FRMPD2: variants seen among roughly 807,000 people sequenced by gnomAD.
FRMPD2 encodes FERM and PDZ domain containing 2.
A neutral mutation model predicts 140.1 loss-of-function variants in FRMPD2; 96 were observed. The observed-to-expected ratio is 0.69, with a 90% CI of 0.58 to 0.81. FRMPD2 has a LOEUF of 0.81. FRMPD2 is among the 40% of genes least tolerant of loss of function. The pLI, the probability that FRMPD2 is intolerant of heterozygous loss-of-function variation, is 0.00. For missense variants in FRMPD2, 1,240 were observed against 1,447.4 expected (o/e 0.86, Z 2.32); for synonymous variants, 449 against 547.6 (o/e 0.82, Z 2.52).
rs764805331 is a variant in FRMPD2, at chr10:48,201,395, C to A, written c.1798-11G>T. ...GGTGAACTTTTTTTGCTGAAGGAAGCAAACACAGACTTTAATACACTGATC... is the reference window on the plus strand; with the variant it reads ...GGTGAACTTTTTTTGCTGAAGGAAGAAAACACAGACTTTAATACACTGATC... On this transcript the variant is annotated splice_polypyrimidine_tract_variant and intron_variant, in intron 14 of 28. Transcript: ENST00000374201. 72 of 1,612,326 alleles carry A rather than the reference C, an allele frequency of 4.5e-5. No homozygotes were observed. In the Middle Eastern group the frequency reaches 1.6e-3, roughly 37 times the overall value.
rs972766298 is a variant in FRMPD2 at position 48,216,653 on chromosome 10, C to A, written c.1456-4544G>T. On this transcript the variant is annotated intron_variant, in intron 12 of 28. Coordinates refer to ENST00000374201, the MANE Select transcript of FRMPD2 (RefSeq NM_001018071.4). ...AGGTAGAAGGAAAGCTTGCAAGCAG[C>A]AGTTGTCACATGCTAGATACCACAC... Among the ~76,000 whole-genome samples, 5 of 152,186 alleles carry A rather than the reference C, an allele frequency of 3.3e-5. No individual in the cohort carries two copies. In the South Asian group the frequency reaches 1.0e-3, roughly 31 times the overall value.
At position 48,206,820 on chromosome 10, in the gene FRMPD2, A is replaced by G; in HGVS notation, c.1725T>C (p.Tyr575=). The change falls in exon 14 of 29, where the codon TAT becomes TAC. Residue 575 remains tyrosine, a synonymous_variant. Coordinates refer to ENST00000374201, the MANE Select transcript of FRMPD2 (RefSeq NM_001018071.4). ...CAATTCTGCTGTTGTTTTTCACTTC[A>G]TAGACTATGACACCCTTGGCACAGA... ...LGICAKGVIV[Y]EVKNNSRIAM... is the part of the protein sequence containing the mutation. 2 of 1,614,120 alleles carry G rather than the reference A, an allele frequency of 1.2e-6. No homozygotes were observed. Among genetic ancestry groups the G allele is most frequent in the Non-Finnish European group, 8.5e-7 (1 of 1,179,976 alleles).
intron 9 of FRMPD2, among the ~76,000 whole-genome samples, chr10:48,235,084 TG>T (rs1247698394): frequency 3.3e-5 from 5 of 152,078 alleles, no homozygotes; most frequent in Admixed American, 1.3e-4. Flanking sequence ...GAGGAGGCCA[TG>T]GCCCTCTGAC....
intron 21 of FRMPD2, 132 bp from the exon 22 acceptor site, chr10:48,178,283 A>T: frequency 1.6e-6 from 1 of 631,682 alleles, no homozygotes; most frequent in South Asian, 1.8e-5. Context: ...CCAGCAGGGG[A>T]TTCATTTCCA....
intron 1 of FRMPD2, among the ~76,000 whole-genome samples, chr10:48,269,237 A>AGGC (rs1207452309): frequency 1.3e-5 from 2 of 152,254 alleles, no homozygotes; most frequent in African/African-American, 4.8e-5. Flanking sequence ...GCTGCAGACC[A>AGGC]GGCCCTCTCA....
chr10:48,177,622 G>A (rs548354862), intron 22 of FRMPD2: 1 of 171,484 alleles, frequency 5.8e-6, no homozygotes, highest in East Asian at 1.4e-4. Context: ...TGGGATGTCT[G>A]AGCAAGAGGC....
At chr10:48,202,734 T>C (rs1192867288) in intron 14 of FRMPD2, among the ~76,000 whole-genome samples, 1 of 152,242 alleles carries the variant, frequency 6.6e-6, no homozygotes, top group Non-Finnish European at 1.5e-5. Flanking sequence ...TACACACTGA[T>C]AGGCTTTCAT....
At chr10:48,170,698 C>T (rs1838219297) in intron 26 of FRMPD2, among the ~76,000 whole-genome samples, 1 of 150,774 alleles carries the variant, frequency 6.6e-6, no homozygotes, top group Admixed American at 6.6e-5. Flanking sequence ...GCCCCATGCC[C>T]ACCTCCCAGG....
rs1247049951 is a variant in FRMPD2, at chr10:48,206,692, C to A, written c.1797+56G>T. 4 of 1,476,330 alleles carry A rather than the reference C, an allele frequency of 2.7e-6. No individual in the cohort carries two copies. In the South Asian group the frequency reaches 4.8e-5, roughly 18 times the overall value. 91.5% of individuals were successfully genotyped at this position (1,476,330 alleles called of 1,614,324 possible). ...CATGACCCACTGCTCCTTTAAACGG[C>A]CAACAAATCAAAGGAAAATGAAGTG... On this transcript the variant is annotated intron_variant, in intron 14 of 28. Transcript: ENST00000374201.
chr10:48,206,919 G>T lies in FRMPD2; in HGVS notation c.1626C>A (p.Leu542=), dbSNP rs2131874047. The change falls in exon 14 of 29, where the codon CTC becomes CTA. Residue 542 remains leucine, a synonymous_variant. Coordinates refer to ENST00000374201, the MANE Select transcript of FRMPD2 (RefSeq NM_001018071.4). Reference sequence around the variant, plus strand: ...GGTGAACCAGCACACCGTATTCTGGGAGCTGCTGAGTGACCTGGAGCAGAA... The same window carrying T: ...GGTGAACCAGCACACCGTATTCTGGTAGCTGCTGAGTGACCTGGAGCAGAA... ...ELKFLRVTQQ[L]PEYGVLVHQV... is the part of the protein sequence containing the mutation. 6.2e-7 allele frequency: 1 copy of T among 1,613,726 alleles called. No individual in the cohort carries two copies. The highest frequency in any genetic ancestry group is 8.5e-7 in the Non-Finnish European group (1 of 1,179,780).
chr10:48,212,809 C>T (rs1473270870), intron 12 of FRMPD2, among the ~76,000 whole-genome samples: 2 of 152,102 alleles, frequency 1.3e-5, no homozygotes, highest in Non-Finnish European at 2.9e-5. Context: ...TCACTCACTG[C>T]TTGATGGTGA....
intron 5 of FRMPD2, among the ~76,000 whole-genome samples, chr10:48,240,872 G>A (rs1369889457): frequency 6.6e-6 from 1 of 152,200 alleles, no homozygotes; most frequent in Non-Finnish European, 1.5e-5. Flanking sequence ...ACCTGGCTCT[G>A]TTGCATCATG....
chr10:48,161,201 C>A (rs1272123424), intron 28 of FRMPD2, among the ~76,000 whole-genome samples: 2 of 149,954 alleles, frequency 1.3e-5, no homozygotes, highest in Non-Finnish European at 3.0e-5. Context: ...GCGTTCACAA[C>A]AGACTGAAGA....
At chr10:48,247,093 T>G (rs1840267655) in intron 3 of FRMPD2, among the ~76,000 whole-genome samples, 1 of 152,212 alleles carries the variant, frequency 6.6e-6, no homozygotes, top group South Asian at 2.1e-4. Flanking sequence ...AGCAATACAT[T>G]TAGCCAGTTC....
At chr10:48,215,752 C>G (rs986588886) in intron 12 of FRMPD2, among the ~76,000 whole-genome samples, 1 of 152,298 alleles carries the variant, frequency 6.6e-6, no homozygotes, top group East Asian at 1.9e-4. Flanking sequence ...TGAGATGACA[C>G]TAAGCCAGAA....
intron 1 of FRMPD2, among the ~76,000 whole-genome samples, chr10:48,272,054 C>G (rs1840777993): frequency 1.3e-5 from 2 of 152,190 alleles, no homozygotes; most frequent in South Asian, 4.1e-4. Context: ...CTGCAGGTAG[C>G]ATTGTCCTGG....
chr10:48,178,093 A>C lies in FRMPD2; in HGVS notation c.2849T>G (p.Phe950Cys). 1 of 1,604,872 alleles carries C rather than the reference A, an allele frequency of 6.2e-7. No individual in the cohort carries two copies. Among genetic ancestry groups the C allele is most frequent in the Non-Finnish European group, 8.5e-7 (1 of 1,173,534 alleles). Residue 950 changes from phenylalanine to cysteine, a missense_variant, in exon 22 of 29, where the codon TTT becomes TGT. This residue lies in a region of FRMPD2 where 25 missense variants were observed against 41.5 expected (regional missense o/e 0.60). Coordinates refer to ENST00000374201, the MANE Select transcript of FRMPD2 (RefSeq NM_001018071.4). Reference protein sequence around the residue: ...PPEISAGEIYFVELVKEDGTL... With the variant: ...PPEISAGEIYCVELVKEDGTL... The stretch of plus-strand genomic sequence containing the variant: ...CCCATCTTCTTTAACCAGTTCCACA[A>C]AGTAGATTTCACCAGCACTGATTTC...
chr10:48,185,543 G>A lies in FRMPD2; in HGVS notation c.2359+10C>T. 2.5e-6 allele frequency: 4 copies of A among 1,605,230 alleles called. No homozygotes were observed. Among genetic ancestry groups the A allele is most frequent in the Non-Finnish European group, 3.4e-6 (4 of 1,171,864 alleles). On this transcript the variant is annotated intron_variant, in intron 18 of 28. Transcript: ENST00000374201. The stretch of plus-strand genomic sequence containing the variant: ...AGAGACTGGGCCTCACCTACAGGGA[G>A]CCCTCTTACCAAAACCACGATGTGG...
At chr10:48,174,339 A>G (rs1371362157) in intron 24 of FRMPD2, among the ~76,000 whole-genome samples, 1 of 152,222 alleles carries the variant, frequency 6.6e-6, no homozygotes, top group African/African-American at 2.4e-5. Context: ...GGGGACATAA[A>G]GGATGAATGG....
Sources: gnomAD v4.1 joint callset for allele counts (sites outside exome capture counted in the v4.1 genomes callset) on GRCh38, gnomAD v4.1.1 for gene constraint, gnomAD v4.1.1 regional missense constraint, MANE v1.5 for transcripts, NCBI Gene and HGNC (gene_info 2026-07-23, HGNC 2026-07-21) for gene names.